Variants in OR11A1 observed in about 807,000 individuals in gnomAD.
OR11A1 encodes the protein olfactory receptor family 11 subfamily A member 1, also known as olfactory receptor 11A1.
For missense variants in OR11A1, 380 were observed against 378.2 expected, an observed-to-expected ratio of 1.00 and a Z score of -0.04; for synonymous variants, 158 against 152.2, an observed-to-expected ratio of 1.04 and a Z score of -0.28.
chr6:29,442,931 A>G (rs11961991), intron 1 of OR11A1, among the ~76,000 whole-genome samples: 4,040 of 152,302 alleles, frequency 0.027, 116 homozygotes, highest in African/African-American at 0.075. Flanking sequence ...ACATATCTCC[A>G]TCAACTCATC....
Position 29,427,486 on chromosome 6 carries a change from A to C in OR11A1, c.156T>G (p.Val52=), listed in dbSNP as rs773537549. 4.3e-6 allele frequency: 7 copies of C among 1,613,088 alleles called. No homozygotes were observed. The South Asian group carries it at 7.7e-5, about 18-fold the overall frequency. ...IGNMLIIVAV[V]SSQRLHKPMY... ...TGGGTTTGTGGAGCCTCTGGGAGCTAACCACTGCTACAATAATCAGCATAT... is the reference window on the plus strand; with the variant it reads ...TGGGTTTGTGGAGCCTCTGGGAGCTCACCACTGCTACAATAATCAGCATAT... The change falls in exon 5 of 5, where the codon GTT becomes GTG. Residue 52 remains valine (V), a synonymous_variant. Transcript: ENST00000377149.
chr6:29,452,483 G>A (rs1785528380), intron 1 of OR11A1, among the ~76,000 whole-genome samples: 1 of 152,020 alleles, frequency 6.6e-6, no homozygotes, highest in Non-Finnish European at 1.5e-5. Context: ...GAAAAACAAA[G>A]ATTTAAAAAG....
At position 29,453,456 on chromosome 6, in the gene OR11A1, C is replaced by T. The variant is rs2151406235; in HGVS notation, c.-389+3531G>A. Among the ~76,000 whole-genome samples the T allele has an allele frequency of 6.6e-6, 1 of 152,154 alleles. No homozygotes were observed. The highest frequency in any genetic ancestry group is 1.9e-4 in the East Asian group (1 of 5,174). ...TGTGAAAAGTGCTCCAGTACTACTC[C>T]AACTTAGTTGATGGTAGTTTTGCCA... is the stretch of plus-strand genomic sequence containing the variant. On this transcript the variant is annotated intron_variant, in intron 1 of 4. Transcript: ENST00000377149. The surrounding 1 kb of genome is among the most constrained non-coding windows in gnomAD (Gnocchi z 4.5).
intron 1 of OR11A1, among the ~76,000 whole-genome samples, chr6:29,452,561 T>C (rs1785538873): frequency 6.6e-6 from 1 of 152,094 alleles, no homozygotes; most frequent in Non-Finnish European, 1.5e-5. Context: ...TAAAAATGAC[T>C]GCCAACATCT....
At chr6:29,429,031 A>G (rs1783072529) in intron 3 of OR11A1, 71 bp from the exon 4 acceptor site, 3 of 351,024 alleles carry the variant, frequency 8.5e-6, no homozygotes, top group Non-Finnish European at 1.2e-5. Context: ...AAAAGCAGAT[A>G]TCATATAAAT....
At chr6:29,439,445 TCTC>T (rs1448895937) in intron 1 of OR11A1, 2 of 152,358 alleles carry the variant, frequency 1.3e-5, no homozygotes, top group African/African-American at 2.4e-5. Context: ...TCATTTTTTT[TCTC>T]CTCCTTGAAC....
At position 29,449,793 on chromosome 6, in the gene OR11A1, C is replaced by T. The variant is rs151160408; in HGVS notation, c.-389+7194G>A. On this transcript the variant is annotated intron_variant, in intron 1 of 4. Transcript: ENST00000377149. ...CTGGGACTACAGGCATGCACCACCA[C>T]GTCCAGCCAATTTTTGTATCTTTAG... Among the ~76,000 whole-genome samples the T allele has an allele frequency of 6.6e-3, 1,008 of 152,216 alleles. 9 individuals carry two copies. The highest frequency in any genetic ancestry group is 0.01 in the Middle Eastern group (3 of 294).
At chr6:29,448,473 C>T (rs2151394390) in intron 1 of OR11A1, among the ~76,000 whole-genome samples, 1 of 152,282 alleles carries the variant, frequency 6.6e-6, no homozygotes, top group East Asian at 1.9e-4. Context: ...TTGGATGCCC[C>T]ATAAGGGTCA....
chr6:29,440,248 C>T (rs773828591), intron 1 of OR11A1: 1 of 1,613,904 alleles, frequency 6.2e-7, no homozygotes, highest in African/African-American at 1.3e-5. Flanking sequence ...GTCACGGTCC[C>T]CCTGCTACTT....
chr6:29,455,930 AC>A, intron 1 of OR11A1, among the ~76,000 whole-genome samples: 1 of 151,600 alleles, frequency 6.6e-6, no homozygotes, highest in Admixed American at 6.6e-5. Flanking sequence ...TACATATACA[AC>A]AAAAAATTTT....
At position 29,453,067 on chromosome 6, in the gene OR11A1, A is replaced by G. The variant is rs1389626059; in HGVS notation, c.-389+3920T>C. ...TTGTATTAAGTCAGAGTAGACTCTTATAAGTTCAGGATCCATATGGTATCC... is the reference window on the plus strand; with the variant it reads ...TTGTATTAAGTCAGAGTAGACTCTTGTAAGTTCAGGATCCATATGGTATCC... On this transcript the variant is annotated intron_variant, in intron 1 of 4. Transcript: ENST00000377149. This position sits in a 1 kb window ranked among gnomAD's most constrained non-coding sequence, Gnocchi z 4.5. Among the ~76,000 whole-genome samples the G allele has an allele frequency of 1.3e-5, 2 of 151,330 alleles. No individual in the cohort carries two copies. Among genetic ancestry groups the G allele is most frequent in the African/African-American group, 2.4e-5 (1 of 41,378 alleles).
At chr6:29,439,614 C>A (rs1783931788) in intron 1 of OR11A1, 1 of 185,898 alleles carries the variant, frequency 5.4e-6, no homozygotes, top group Middle Eastern at 2.2e-3. Flanking sequence ...AGAAAAAGAT[C>A]TGCTATGAGG....
intron 1 of OR11A1, chr6:29,440,229 T>C: frequency 6.2e-7 from 1 of 1,613,982 alleles, no homozygotes; most frequent in South Asian, 1.1e-5. Context: ...GGAGATTGGC[T>C]ATACGTCTGT....
intron 1 of OR11A1, among the ~76,000 whole-genome samples, chr6:29,446,844 A>G (rs553003820): frequency 1.3e-4 from 20 of 152,298 alleles, no homozygotes; most frequent in Non-Finnish European, 2.8e-4. Context: ...GTAACTGCTG[A>G]GTTCTGAATA....
In OR11A1 at chr6:29,430,319, T is replaced by C. The variant is rs1176934705; in HGVS notation, c.-158A>G. On this transcript the variant is annotated 5_prime_UTR_variant, in exon 3 of 5. An upstream start codon of the reference 5' UTR is lost. Coordinates refer to ENST00000377149, the MANE Select transcript of OR11A1 (RefSeq NM_001394828.1). ...CTCTTACCCTTTGATCCCATCTGCA[T>C]TTCCTTGTGAGTGAATCTGGCACTC... is the stretch of plus-strand genomic sequence containing the variant. 1 of 985,320 alleles carries C rather than the reference T, an allele frequency of 1.0e-6. No homozygotes were observed. The highest frequency in any genetic ancestry group is 1.2e-6 in the Non-Finnish European group (1 of 829,938). The allele number at this position is 985,320 out of a possible 1,614,324, so 61.0% of individuals were successfully genotyped here.
intron 1 of OR11A1, among the ~76,000 whole-genome samples, chr6:29,443,039 G>A (rs1274499160): frequency 6.6e-6 from 1 of 151,894 alleles, no homozygotes; most frequent in Non-Finnish European, 1.5e-5. Context: ...ACTCTCAGAG[G>A]GATCATTTTT....
Position 29,427,680 on chromosome 6 carries a change from A to G in OR11A1, c.-39T>C. ...GTTTCTGCTTGGCAATAATTGGGGGAGAAATTTTAGCATGTCTCTGCATCT... is the reference window on the plus strand; with the variant it reads ...GTTTCTGCTTGGCAATAATTGGGGGGGAAATTTTAGCATGTCTCTGCATCT... On this transcript the variant is annotated 5_prime_UTR_variant, in exon 5 of 5. Transcript: ENST00000377149. 2 of 1,571,838 alleles carry G rather than the reference A, an allele frequency of 1.3e-6. No homozygotes were observed. Among genetic ancestry groups the G allele is most frequent in the African/African-American group, 2.7e-5 (2 of 73,726 alleles).
At chr6:29,444,028 G>A (rs1459988350) in intron 1 of OR11A1, among the ~76,000 whole-genome samples, 1 of 151,988 alleles carries the variant, frequency 6.6e-6, no homozygotes, top group East Asian at 1.9e-4. Context: ...TGGTTATATG[G>A]TTTGGCTCTA....
At chr6:29,451,506 T>A (rs901575636) in intron 1 of OR11A1, among the ~76,000 whole-genome samples, 18 of 150,376 alleles carry the variant, frequency 1.2e-4, no homozygotes, top group South Asian at 6.3e-4. Flanking sequence ...AGAAAAAAAA[T>A]TTTTTTTAAA....
Sources: allele counts gnomAD v4.1 joint callset (sites outside exome capture counted in the v4.1 genomes callset), GRCh38; gene constraint gnomAD v4.1.1; non-coding constraint Gnocchi (gnomAD v3.1); transcripts MANE v1.5; gene names NCBI Gene and HGNC (gene_info 2026-07-23, HGNC 2026-07-21).